Variants in TTC7B observed in about 807,000 individuals in gnomAD.
The protein encoded by TTC7B is tetratricopeptide repeat protein 7B.
In TTC7B, 28 loss-of-function variants were observed where a neutral mutation model predicts 106.8. The ratio of observed to expected loss-of-function variants is 0.26; its 90% CI spans 0.19 to 0.36. TTC7B has a LOEUF of 0.36. Ranked by LOEUF, TTC7B falls within the 10% of genes least tolerant of loss-of-function variation. The pLI is 1.00. For missense variants in TTC7B, 862 were observed against 1,076.4 expected, an observed-to-expected ratio of 0.80 and a Z score of 2.79; for synonymous variants, 405 against 430.6, an observed-to-expected ratio of 0.94 and a Z score of 0.74.
At chr14:90,553,155 C>A (rs960941073) in intron 19 of TTC7B, among the ~76,000 whole-genome samples, 19 of 152,308 alleles carry the variant, frequency 1.2e-4, no homozygotes, top group African/African-American at 3.1e-4. Context: ...CTGGGGGGAC[C>A]AAGGGCTGCA....
intron 2 of TTC7B, among the ~76,000 whole-genome samples, chr14:90,783,876 G>A (rs1450012482): frequency 6.6e-6 from 1 of 152,128 alleles, no homozygotes; most frequent in Non-Finnish European, 1.5e-5. Context: ...GGTGGAGGTT[G>A]CAGTGAGCCA....
At position 90,796,420 on chromosome 14, in the gene TTC7B, G is replaced by A. The variant is rs533756286; in HGVS notation, c.122-10092C>T. The stretch of plus-strand genomic sequence containing the variant: ...AATGAGCCACCCTGCAGGGGGGTCC[G>A]TGCCCTGGCTCAGCACAACAGAGCC... On this transcript the variant is annotated intron_variant, in intron 1 of 19. Coordinates refer to ENST00000328459, the MANE Select transcript of TTC7B (RefSeq NM_001010854.2). Among the ~76,000 whole-genome samples, 12 of 152,282 alleles carry A rather than the reference G, an allele frequency of 7.9e-5. 1 individual carries two copies. Among genetic ancestry groups the A allele is most frequent in the South Asian group, 2.1e-4 (1 of 4,826 alleles).
chr14:90,692,170 C>T lies in TTC7B; in HGVS notation c.778-2458G>A, dbSNP rs561116205. The stretch of plus-strand genomic sequence containing the variant: ...TTGGCTATCATAAATAGTGCTGCTA[C>T]GAACATCCATGTACAAGTTTTTGTT... On this transcript the variant is annotated intron_variant, in intron 6 of 19. Coordinates refer to ENST00000328459, the MANE Select transcript of TTC7B (RefSeq NM_001010854.2). 5.0e-4 allele frequency among the ~76,000 whole-genome samples: 76 copies of T among 152,228 alleles called. 1 individual carries two copies. In the Middle Eastern group the frequency reaches 0.01, roughly 20 times the overall value.
intron 14 of TTC7B, 126 bp downstream of exon 14, chr14:90,646,825 G>A: frequency 1.1e-6 from 1 of 895,044 alleles, no homozygotes; most frequent in Non-Finnish European, 1.8e-6. Flanking sequence ...TCTGAGAAGG[G>A]TTCCTGGCTC....
At position 90,652,890 on chromosome 14, in the gene TTC7B, G is replaced by T. The variant is rs1216815422; in HGVS notation, c.1468C>A (p.Arg490=). 8.1e-6 allele frequency: 13 copies of T among 1,614,098 alleles called. No homozygotes were observed. The highest frequency in any genetic ancestry group is 1.1e-5 in the Non-Finnish European group (13 of 1,180,014). ...YSLQATDASL[R]GMQEVLQRKA... is the part of the protein sequence containing the mutation. ...CTCTGTAGGACCTCCTGCATCCCTC[G>T]CAAAGAAGCTAAGAAAAGGGTTCAA... The change falls in exon 13 of 20, where the codon CGA becomes AGA. Residue 490 remains arginine (R), a synonymous_variant. Coordinates refer to ENST00000328459, the MANE Select transcript of TTC7B (RefSeq NM_001010854.2).
At chr14:90,553,096 G>C (rs539748821) in intron 19 of TTC7B, among the ~76,000 whole-genome samples, 1 of 152,164 alleles carries the variant, frequency 6.6e-6, no homozygotes, top group African/African-American at 2.4e-5. Context: ...AGTGTGCCGA[G>C]TATTCCAGGA....
At chr14:90,631,811 A>G (rs989312209) in intron 15 of TTC7B, among the ~76,000 whole-genome samples, 2 of 152,060 alleles carry the variant, frequency 1.3e-5, no homozygotes, top group African/African-American at 4.8e-5. Context: ...AATCCATCCT[A>G]CTGGGTATGA....
intron 6 of TTC7B, among the ~76,000 whole-genome samples, chr14:90,691,511 T>A (rs985342204): frequency 1.3e-5 from 2 of 152,224 alleles, no homozygotes; most frequent in African/African-American, 4.8e-5. Flanking sequence ...TCTAGAATAC[T>A]TTTTACTTTT....
intron 9 of TTC7B, among the ~76,000 whole-genome samples, chr14:90,658,700 C>T (rs1886057007): frequency 6.6e-6 from 1 of 152,158 alleles, no homozygotes; most frequent in Non-Finnish European, 1.5e-5. Flanking sequence ...CTCAGGAGTG[C>T]CCCCAGGGCG....
intron 11 of TTC7B, among the ~76,000 whole-genome samples, chr14:90,656,951 A>T (rs560339347): frequency 3.4e-4 from 52 of 152,232 alleles, no homozygotes; most frequent in Non-Finnish European, 6.6e-4. Flanking sequence ...TCCCATAGGA[A>T]AAAACCCCTG....
rs188811485 is a variant in TTC7B, at chr14:90,736,239, G to T, written c.577-6043C>A. On this transcript the variant is annotated intron_variant, in intron 4 of 19. Transcript: ENST00000328459. ...TGTTTGTTTTTGTTTGTTTTTAAAG[G>T]TTTCTCTGTACATAGTGAAAAAATT... Among the ~76,000 whole-genome samples the T allele has an allele frequency of 1.8e-3, 281 of 151,898 alleles. 1 individual carries two copies. The highest frequency in any genetic ancestry group is 6.5e-3 in the African/African-American group (271 of 41,398).
intron 19 of TTC7B, among the ~76,000 whole-genome samples, chr14:90,565,259 A>G (rs1890742090): frequency 6.6e-6 from 1 of 152,136 alleles, no homozygotes; most frequent in Non-Finnish European, 1.5e-5. Flanking sequence ...TCATTGGAGT[A>G]TTCACTGGAA....
In TTC7B at chr14:90,706,710, C is replaced by A. The variant is rs567770602; in HGVS notation, c.699-11132G>T. 2.0e-3 allele frequency among the ~76,000 whole-genome samples: 299 copies of A among 152,278 alleles called. 1 individual carries two copies. Among genetic ancestry groups the A allele is most frequent in the African/African-American group, 6.8e-3 (281 of 41,548 alleles). On this transcript the variant is annotated intron_variant, in intron 5 of 19. Transcript: ENST00000328459. ...AATCTTTGATAGCTTCTTCGCTATA[C>A]GGATGTAGGTAAAGGTGTTCCAGGC... is the stretch of plus-strand genomic sequence containing the variant.
intron 1 of TTC7B, among the ~76,000 whole-genome samples, chr14:90,791,002 G>C (rs1429551035): frequency 1.3e-5 from 2 of 152,036 alleles, no homozygotes; most frequent in Non-Finnish European, 2.9e-5. Context: ...ATCAAGCTGG[G>C]ATCAGAATGC....
At chr14:90,549,888 G>T (rs1190904452) in intron 19 of TTC7B, among the ~76,000 whole-genome samples, 1 of 152,090 alleles carries the variant, frequency 6.6e-6, no homozygotes, top group Non-Finnish European at 1.5e-5. Context: ...CGCCTTCAGT[G>T]GGTGGCAGCT....
intron 13 of TTC7B, among the ~76,000 whole-genome samples, chr14:90,651,828 A>G (rs539930270): frequency 6.6e-6 from 1 of 152,330 alleles, no homozygotes; most frequent in East Asian, 1.9e-4. Context: ...TTTCATGAAA[A>G]AAGGCATACG....
chr14:90,751,920 C>T (rs1352547480), intron 3 of TTC7B, among the ~76,000 whole-genome samples: 2 of 152,236 alleles, frequency 1.3e-5, no homozygotes, highest in East Asian at 3.9e-4. Flanking sequence ...GAAGTGGAAG[C>T]CCCTTATAAG....
chr14:90,662,151 G>A (rs993968738), intron 9 of TTC7B, among the ~76,000 whole-genome samples: 6 of 152,208 alleles, frequency 3.9e-5, no homozygotes, highest in African/African-American at 1.4e-4. Flanking sequence ...GGACGAGCAG[G>A]CACTCCCAAG....
At chr14:90,557,909 C>CA (rs1017797269) in intron 19 of TTC7B, among the ~76,000 whole-genome samples, 5 of 152,346 alleles carry the variant, frequency 3.3e-5, no homozygotes, top group South Asian at 2.1e-4. Flanking sequence ...ACCAATGGTG[C>CA]AGAGGAGAAG....
Sources: gnomAD v4.1 joint callset for allele counts (sites outside exome capture counted in the v4.1 genomes callset) on GRCh38, gnomAD v4.1.1 for gene constraint, MANE v1.5 for transcripts, NCBI Gene and HGNC (gene_info 2026-07-23, HGNC 2026-07-21) for gene names.